Variants in RIBC2 observed in about 807,000 individuals in gnomAD.
RIBC2 encodes RIB43A-like with coiled-coils protein 2.
A neutral mutation model predicts 44.3 loss-of-function variants in RIBC2; 40 were observed. That is an observed-to-expected ratio of 0.90 (90% confidence interval 0.70 to 1.18). The LOEUF is 1.18. Among genes scored for constraint, RIBC2 ranks in the 50% most tolerant of loss-of-function variants. RIBC2 has a pLI of 0.00. For missense variants in RIBC2, 459 were observed against 485.5 expected (o/e 0.95, Z 0.51); for synonymous variants, 171 against 175.0 (o/e 0.98, Z 0.18).
At position 45,425,983 on chromosome 22, in the gene RIBC2, A is replaced by G; in HGVS notation, c.711A>G (p.Lys237=). The part of the protein sequence containing the change: ...IESVERKKQE[K]KQEQEDNLAE... ...CAGTGGAAAGGAAAAAGCAAGAGAAAAAGCAAGAACAAGAGGACAACTTGG... is the reference window on the plus strand; with the variant it reads ...CAGTGGAAAGGAAAAAGCAAGAGAAGAAGCAAGAACAAGAGGACAACTTGG... Residue 237 remains lysine (K), a synonymous_variant, in exon 5 of 7, where the codon AAA becomes AAG. Transcript: ENST00000614167. 2.5e-6 allele frequency: 4 copies of G among 1,614,040 alleles called. No individual in the cohort carries two copies. Among genetic ancestry groups the G allele is most frequent in the Non-Finnish European group, 3.4e-6 (4 of 1,180,004 alleles).
In RIBC2 at chr22:45,417,960, A is replaced by G. The variant is rs776671731; in HGVS notation, c.556+14A>G. 2.6e-6 allele frequency: 4 copies of G among 1,556,220 alleles called. No individual in the cohort carries two copies. Among genetic ancestry groups the G allele is most frequent in the Non-Finnish European group, 3.5e-6 (4 of 1,147,158 alleles). ...AAAAATGCGCAGGTAATGAAACAGA[A>G]GAGACGAGCTGGTCTCAACGCTCTC... is the stretch of plus-strand genomic sequence containing the variant. On this transcript the variant is annotated intron_variant, in intron 3 of 6. Transcript: ENST00000614167.
At chr22:45,417,461 G>A in intron 2 of RIBC2, 141 bp from the exon 3 acceptor site, 1 of 612,366 alleles carries the variant, frequency 1.6e-6, no homozygotes, top group South Asian at 2.6e-5. Flanking sequence ...GAGGCAGAAA[G>A]ATGGTTGGAG....
intron 2 of RIBC2, among the ~76,000 whole-genome samples, chr22:45,416,811 A>G (rs1268861341): frequency 1.3e-5 from 2 of 151,582 alleles, no homozygotes; most frequent in East Asian, 3.9e-4. Flanking sequence ...TGCCATTATT[A>G]GCATTTTAAA....
intron 5 of RIBC2, among the ~76,000 whole-genome samples, chr22:45,427,137 G>T (rs1285326537): frequency 6.6e-6 from 1 of 152,184 alleles, no homozygotes; most frequent in African/African-American, 2.4e-5. Flanking sequence ...CCTGAATGTG[G>T]CAGAAAACCA....
At position 45,417,850 on chromosome 22, in the gene RIBC2, C is replaced by G. The variant is rs778187707; in HGVS notation, c.460C>G (p.His154Asp). ...ATTCATGGGAGAGGATTTAAACTTCCATGAGAGGAAGAAATTCCAAGAGGA... is the reference window on the plus strand; with the variant it reads ...ATTCATGGGAGAGGATTTAAACTTCGATGAGAGGAAGAAATTCCAAGAGGA... ...QKFMGEDLNF[H>D]ERKKFQEEQN... is the part of the protein sequence containing the mutation. Residue 154 changes from histidine (H) to aspartate (D), a missense_variant, in exon 3 of 7, where the codon CAT (histidine) becomes GAT (aspartate). By Grantham distance (81) the His-to-Asp change is moderately conservative. Coordinates refer to ENST00000614167, the MANE Select transcript of RIBC2 (RefSeq NM_015653.5). The G allele has an allele frequency of 6.2e-7, 1 of 1,613,992 alleles. No homozygotes were observed. The highest frequency in any genetic ancestry group is 1.7e-5 in the Admixed American group (1 of 60,010).
chr22:45,419,931 C>T (rs2087461794), intron 3 of RIBC2, among the ~76,000 whole-genome samples: 2 of 152,132 alleles, frequency 1.3e-5, no homozygotes, highest in Non-Finnish European at 2.9e-5. Context: ...GAGGCTGAGG[C>T]AGGAAAATGG....
At chr22:45,420,353 C>T (rs886392078) in intron 3 of RIBC2, among the ~76,000 whole-genome samples, 10 of 152,164 alleles carry the variant, frequency 6.6e-5, no homozygotes, top group Admixed American at 3.3e-4. Flanking sequence ...AGTGAGGCTT[C>T]CCCTGACCCC....
intron 5 of RIBC2, among the ~76,000 whole-genome samples, chr22:45,430,436 C>T (rs1242773117): frequency 2.6e-5 from 4 of 152,266 alleles, no homozygotes; most frequent in Non-Finnish European, 5.9e-5. Context: ...TTCCTGTCAC[C>T]GGGTGAGGCT....
intron 5 of RIBC2, among the ~76,000 whole-genome samples, chr22:45,430,218 G>A (rs2087567084): frequency 6.6e-6 from 1 of 152,220 alleles, no homozygotes; most frequent in South Asian, 2.1e-4. Flanking sequence ...GGCGGGAGGA[G>A]GCTCTGCCCT....
At chr22:45,427,485 C>T (rs2087544279) in intron 5 of RIBC2, among the ~76,000 whole-genome samples, 1 of 152,204 alleles carries the variant, frequency 6.6e-6, no homozygotes, top group South Asian at 2.1e-4. Flanking sequence ...GATTGTTTTA[C>T]TAAAGAAGAA....
intron 4 of RIBC2, among the ~76,000 whole-genome samples, chr22:45,424,565 C>A (rs2087516153): frequency 6.6e-6 from 1 of 152,184 alleles, no homozygotes; most frequent in Non-Finnish European, 1.5e-5. Flanking sequence ...ATGTTCCATG[C>A]ATGCTCCCTG....
At chr22:45,431,226 GAC>G (rs2087577904) in intron 6 of RIBC2, among the ~76,000 whole-genome samples, 160 bp downstream of exon 6, 2 of 152,212 alleles carry the variant, frequency 1.3e-5, no homozygotes, top group Non-Finnish European at 1.5e-5. Flanking sequence ...TGGGTTGACA[GAC>G]CCATGGGCCA....
rs2087478464 is a variant in RIBC2 at position 45,421,497 on chromosome 22, T to TA, written c.557-792dup. On this transcript the variant is annotated intron_variant, in intron 3 of 6. Transcript: ENST00000614167. ...ACTTGGATGTCTAATTAATTATTAT[T>TA]ATTAATAATAGTATTATTAATAATA... Among the ~76,000 whole-genome samples, 4 of 121,688 alleles carry TA rather than the reference T, an allele frequency of 3.3e-5. 1 individual carries two copies. The highest frequency in any genetic ancestry group is 1.3e-4 in the African/African-American group (4 of 31,698). The allele number at this position is 121,688 out of a possible 152,430, so 79.8% of individuals were successfully genotyped here. A position where few individuals can be genotyped will look rare whatever the true frequency, so the allele number is the denominator to read the frequency against.
At chr22:45,431,589 C>T (rs1054106906) in intron 6 of RIBC2, among the ~76,000 whole-genome samples, 18 of 152,136 alleles carry the variant, frequency 1.2e-4, no homozygotes, top group African/African-American at 3.9e-4. Context: ...TCAGGGGGGA[C>T]CCAGGAATAT....
chr22:45,417,602 C>A lies in RIBC2; in HGVS notation c.212C>A (p.Ala71Asp). 3 of 1,606,930 alleles carry A rather than the reference C, an allele frequency of 1.9e-6. No individual in the cohort carries two copies. The highest frequency in any genetic ancestry group is 2.6e-6 in the Non-Finnish European group (3 of 1,173,862). Residue 71 changes from alanine (A) to aspartate (D), a missense_variant and splice_region_variant, in exon 3 of 7, where the codon GCT becomes GAT. Ala to Asp is a moderately radical substitution (Grantham distance 126). Transcript: ENST00000614167. ...ATEKARHETF[A>D]AEMRQNDKIM... is the part of the protein sequence containing the mutation. ...TATGGATATGCTGTATCTCTTCCAG[C>A]TGCTGAAATGAGGCAAAATGACAAA...
chr22:45,417,593 C>G lies in RIBC2; in HGVS notation c.212-9C>G, dbSNP rs1417581448. 3.8e-6 allele frequency: 6 copies of G among 1,595,854 alleles called. No homozygotes were observed. Among genetic ancestry groups the G allele is most frequent in the Non-Finnish European group, 5.2e-6 (6 of 1,164,314 alleles). ...TCCTAAGCTTATGGATATGCTGTAT[C>G]TCTTCCAGCTGCTGAAATGAGGCAA... is the stretch of plus-strand genomic sequence containing the variant. On this transcript the variant is annotated splice_polypyrimidine_tract_variant and intron_variant, in intron 2 of 6. Coordinates refer to ENST00000614167, the MANE Select transcript of RIBC2 (RefSeq NM_015653.5).
chr22:45,421,410 C>T (rs2087476980), intron 3 of RIBC2, among the ~76,000 whole-genome samples: 1 of 144,608 alleles, frequency 6.9e-6, no homozygotes. Context: ...ATACCTCCAG[C>T]CTGGACTCTT....
At chr22:45,426,244 C>A in intron 5 of RIBC2, 69 bp downstream of exon 5, 2 of 1,370,402 alleles carry the variant, frequency 1.5e-6, no homozygotes, top group African/African-American at 1.4e-5. Flanking sequence ...CTTCCAGGCA[C>A]AAATGTAGTT....
rs1193090973 is a variant in RIBC2, at chr22:45,417,724, C to G, written c.334C>G (p.Arg112Gly). The change falls in exon 3 of 7, where the codon CGC (arginine) becomes GGC (glycine). Residue 112 changes from arginine (R) to glycine (G), a missense_variant. Arg to Gly is a moderately radical substitution (Grantham distance 125, BLOSUM62 -2). Transcript: ENST00000614167. Reference sequence around the variant, plus strand: ...ACAGAGCTTTCAGAAGCCAGAAACTCGCCGTGAATTTGATCTGTCCGACCC... The same window carrying G: ...ACAGAGCTTTCAGAAGCCAGAAACTGGCCGTGAATTTGATCTGTCCGACCC... ...FQQSFQKPET[R>G]REFDLSDPLA... The G allele has an allele frequency of 6.2e-7, 1 of 1,614,112 alleles. No individual in the cohort carries two copies. The highest frequency in any genetic ancestry group is 1.3e-5 in the African/African-American group (1 of 75,022).
Sources: gnomAD v4.1 joint callset for allele counts (sites outside exome capture counted in the v4.1 genomes callset) on GRCh38, gnomAD v4.1.1 for gene constraint, MANE v1.5 for transcripts, NCBI Gene and HGNC (gene_info 2026-07-23, HGNC 2026-07-21) for gene names.